The following PSD3 variants were observed in gnomAD, a reference collection of about 807,000 sequenced individuals.
PSD3 encodes PH and SEC7 domain-containing protein 3.
In PSD3, 49 loss-of-function variants were observed where a neutral mutation model predicts 105.5. That is an observed-to-expected ratio of 0.46 (90% CI 0.37 to 0.59). The LOEUF (loss-of-function observed/expected upper bound fraction) is 0.59, where lower values mean the gene tolerates loss of function less well. Among genes scored for constraint, PSD3 ranks in the 20% least tolerant of loss-of-function variants. PSD3 has a pLI of 0.00. For synonymous variants in PSD3, 557 were observed against 457.8 expected (o/e 1.22, Z -2.77); for missense variants, 1,561 against 1,263.8 (o/e 1.24, Z -3.57).
chr8:18,943,653 T>G (rs11204003), intron 1 of PSD3, among the ~76,000 whole-genome samples: 18,149 of 152,056 alleles, frequency 0.12, 1,495 homozygotes, highest in Non-Finnish European at 0.18. Flanking sequence ...ATCAAGCACT[T>G]AAGTCCTCAG....
intron 1 of PSD3, among the ~76,000 whole-genome samples, chr8:18,970,324 C>CAAAAAAAAAAAAAAAAAAAAA (rs11450922): frequency 5.1e-4 from 23 of 45,298 alleles, no homozygotes; most frequent in East Asian, 7.6e-4. Flanking sequence ...GACTCTGCCT[C>CAAAAAAAAAAAAAAAAAAAAA]AAAAAAAAAA....
intron 15 of PSD3, among the ~76,000 whole-genome samples, chr8:18,540,917 G>C (rs375840459): frequency 6.6e-6 from 1 of 151,904 alleles, no homozygotes; most frequent in Non-Finnish European, 1.5e-5. Flanking sequence ...CTGCCTCCAT[G>C]GCACACACTC....
At chr8:18,569,502 C>A (rs1802015828) in intron 14 of PSD3, among the ~76,000 whole-genome samples, 1 of 147,516 alleles carries the variant, frequency 6.8e-6, no homozygotes, top group South Asian at 2.2e-4. Context: ...CTCCCATTCA[C>A]AATTGCTTCA....
chr8:18,542,555 T>C (rs1471475211), intron 15 of PSD3, among the ~76,000 whole-genome samples: 1 of 152,196 alleles, frequency 6.6e-6, no homozygotes, highest in African/African-American at 2.4e-5. Context: ...TTTTAACTAA[T>C]ATAATTTCAG....
chr8:18,549,187 T>G (rs971339668), intron 15 of PSD3, among the ~76,000 whole-genome samples: 1 of 150,644 alleles, frequency 6.6e-6, no homozygotes, highest in Non-Finnish European at 1.5e-5. Flanking sequence ...GTTTTTTTTT[T>G]TTTTTTTTTT....
At chr8:18,990,684 T>C (rs950083020) in intron 1 of PSD3, among the ~76,000 whole-genome samples, 1 of 152,204 alleles carries the variant, frequency 6.6e-6, no homozygotes. Context: ...CAAATTTTAA[T>C]TGAAATTTTT....
chr8:18,993,212 A>T (rs916244422), intron 1 of PSD3, among the ~76,000 whole-genome samples: 2 of 152,162 alleles, frequency 1.3e-5, no homozygotes, highest in Non-Finnish European at 2.9e-5. Flanking sequence ...TCTTTAGATC[A>T]TATTCTTTAT....
chr8:19,007,480 AG>A (rs1826743920), intron 1 of PSD3, among the ~76,000 whole-genome samples: 1 of 152,136 alleles, frequency 6.6e-6, no homozygotes, highest in Non-Finnish European at 1.5e-5. Context: ...CTTATTGGAC[AG>A]GGCAAATATG....
intron 9 of PSD3, among the ~76,000 whole-genome samples, chr8:18,745,804 A>C (rs1804964690): frequency 6.6e-6 from 1 of 152,244 alleles, no homozygotes; most frequent in Admixed American, 6.5e-5. Context: ...TACATTAAAA[A>C]TTACAAGTTC....
At chr8:18,839,268 T>G (rs1356952852) in intron 4 of PSD3, among the ~76,000 whole-genome samples, 2 of 152,154 alleles carry the variant, frequency 1.3e-5, no homozygotes, top group Admixed American at 1.3e-4. Flanking sequence ...AAGAGACATT[T>G]CAAGTCCAAA....
At chr8:18,611,905 G>A (rs1322172612) in intron 11 of PSD3, among the ~76,000 whole-genome samples, 3 of 152,124 alleles carry the variant, frequency 2.0e-5, no homozygotes, top group Admixed American at 2.0e-4. Flanking sequence ...AAAGGCAGCA[G>A]GGAAGACCCC....
chr8:18,897,092 C>A (rs1819202145), intron 2 of PSD3, among the ~76,000 whole-genome samples: 1 of 151,474 alleles, frequency 6.6e-6, no homozygotes, highest in Non-Finnish European at 1.5e-5. Flanking sequence ...CAGGCGTGAG[C>A]CACCGTGCCC....
chr8:18,762,778 T>G (rs1261219908), intron 9 of PSD3: 1 of 432,652 alleles, frequency 2.3e-6, no homozygotes, highest in Non-Finnish European at 3.7e-6. Context: ...TCAACTGAAT[T>G]GAAGGACTGT....
intron 1 of PSD3, among the ~76,000 whole-genome samples, chr8:19,007,162 G>A (rs1019392266): frequency 6.6e-6 from 1 of 152,000 alleles, no homozygotes; most frequent in Non-Finnish European, 1.5e-5. Context: ...GCTGAGGCAG[G>A]AGAATCGCTT....
chr8:18,832,141 T>C (rs1217826613), intron 4 of PSD3, among the ~76,000 whole-genome samples: 4 of 152,280 alleles, frequency 2.6e-5, no homozygotes, highest in East Asian at 1.9e-4. Flanking sequence ...GTCTTTATTA[T>C]AGGTGGAGTT....
chr8:18,853,758 C>T (rs1266203590), intron 4 of PSD3, among the ~76,000 whole-genome samples: 2 of 152,172 alleles, frequency 1.3e-5, no homozygotes, highest in Non-Finnish European at 2.9e-5. Context: ...TGACCTTCCA[C>T]AGCCTGGATG....
At chr8:18,779,810 A>G (rs1303433368) in intron 8 of PSD3, among the ~76,000 whole-genome samples, 3 of 151,976 alleles carry the variant, frequency 2.0e-5, no homozygotes, top group African/African-American at 7.3e-5. Context: ...TATTATTTCT[A>G]TTTTTTTAAT....
intron 2 of PSD3, among the ~76,000 whole-genome samples, chr8:18,892,688 C>G (rs1380369988): frequency 3.5e-4 from 51 of 147,234 alleles, no homozygotes; most frequent in African/African-American, 1.3e-3. Context: ...GCCGTGGCGT[C>G]ATCTTGGCTC....
chr8:18,704,179 C>T (rs947129990), intron 9 of PSD3, among the ~76,000 whole-genome samples: 1 of 152,090 alleles, frequency 6.6e-6, no homozygotes, highest in African/African-American at 2.4e-5. Flanking sequence ...AGAAAAATGC[C>T]ATAGCTTCAC....
Sources: gnomAD v4.1 joint callset for allele counts (sites outside exome capture counted in the v4.1 genomes callset) on GRCh38, gnomAD v4.1.1 for gene constraint, MANE v1.5 for transcripts, NCBI Gene and HGNC (gene_info 2026-07-23, HGNC 2026-07-21) for gene names.